PRKG1: variants seen among roughly 807,000 people sequenced by gnomAD.
PRKG1 encodes cGMP-dependent protein kinase 1.
PRKG1 carries 35 observed loss-of-function variants against 88.1 expected under a neutral mutation model. The observed-to-expected ratio is 0.40, with a 90% confidence interval of 0.30 to 0.53. PRKG1 has a LOEUF of 0.53. Ranked by LOEUF, PRKG1 falls within the 20% of genes least tolerant of loss-of-function variation. The probability of loss-of-function intolerance (pLI) is 0.59; values close to 1 mark genes in which losing one functional copy is unlikely to be tolerated. For missense variants in PRKG1, 540 were observed against 839.8 expected (o/e 0.64, Z 4.41); for synonymous variants, 303 against 292.5 (o/e 1.04, Z -0.37).
intron 5 of PRKG1, 31 bp from the exon 6 acceptor site, chr10:52,054,453 A>G (rs758099066): frequency 6.4e-7 from 1 of 1,562,984 alleles, no homozygotes; most frequent in Non-Finnish European, 8.8e-7. Flanking sequence ...CTGCTTGCTT[A>G]ATTTTTTTTC....
At chr10:52,166,787 C>CTATATATATATATATATATG (rs201538311) in intron 9 of PRKG1, among the ~76,000 whole-genome samples, 1 of 12,446 alleles carries the variant, frequency 8.0e-5, no homozygotes, top group African/African-American at 1.0e-4. Flanking sequence ...ATAAAAAAGC[C>CTATATATATATATATATATG]TATATATATA....
chr10:51,252,208 C>G (rs186750053), intron 2 of PRKG1, among the ~76,000 whole-genome samples: 2 of 151,748 alleles, frequency 1.3e-5, no homozygotes, highest in Middle Eastern at 3.4e-3. Flanking sequence ...TCTGAGTGCT[C>G]TATTGTATAG....
chr10:51,200,194 A>G (rs1301283782), intron 2 of PRKG1, among the ~76,000 whole-genome samples: 1 of 152,180 alleles, frequency 6.6e-6, no homozygotes, highest in Non-Finnish European at 1.5e-5. Context: ...GAGGTTGTAA[A>G]TTCAATAGCT....
At chr10:51,262,749 C>T (rs1428758118) in intron 2 of PRKG1, among the ~76,000 whole-genome samples, 3 of 152,082 alleles carry the variant, frequency 2.0e-5, no homozygotes, top group African/African-American at 7.2e-5. Flanking sequence ...CATGTCTTCT[C>T]ATGGCAACAG....
At chr10:51,300,274 T>C (rs887792581) in intron 2 of PRKG1, among the ~76,000 whole-genome samples, 1 of 152,182 alleles carries the variant, frequency 6.6e-6, no homozygotes. Flanking sequence ...ATGCAGCTTT[T>C]CTTCTCTTTG....
chr10:51,818,425 AT>A (rs1245406805), intron 4 of PRKG1, among the ~76,000 whole-genome samples: 4 of 152,186 alleles, frequency 2.6e-5, no homozygotes, highest in African/African-American at 9.7e-5. Flanking sequence ...ACAAAAAAAA[AT>A]CAAACATGTC....
At chr10:52,017,039 TTTG>T (rs1367980086) in intron 5 of PRKG1, among the ~76,000 whole-genome samples, 2 of 152,032 alleles carry the variant, frequency 1.3e-5, no homozygotes, top group African/African-American at 4.8e-5. Flanking sequence ...AGAAGTGTGG[TTTG>T]TCTGAGGAAC....
chr10:52,133,872 C>A lies in PRKG1; in HGVS notation c.968C>A (p.Ala323Glu). Residue 323 changes from alanine (A) to glutamate (E), a missense_variant, in exon 8 of 18, where the codon GCA (alanine) becomes GAA (glutamate). This residue lies in a region of PRKG1 where 400 missense variants were observed against 562.7 expected (regional missense o/e 0.71). Transcript: ENST00000373980. ...EDVRTANVIAAEAVTCLVIDR... is the reference protein window; with the variant it reads ...EDVRTANVIAEEAVTCLVIDR... ...GTGAGAACAGCAAACGTAATTGCTG[C>A]AGAAGCTGTAACCTGCCTTGTGATT... 1 of 1,613,158 alleles carries A rather than the reference C, an allele frequency of 6.2e-7. No individual in the cohort carries two copies. The highest frequency in any genetic ancestry group is 1.3e-5 in the African/African-American group (1 of 75,004).
intron 2 of PRKG1, among the ~76,000 whole-genome samples, chr10:51,338,533 C>A (rs542155357): frequency 6.6e-6 from 1 of 152,018 alleles, no homozygotes; most frequent in Non-Finnish European, 1.5e-5. Context: ...AGATAGATGC[C>A]CTATAAATAC....
intron 2 of PRKG1, among the ~76,000 whole-genome samples, chr10:51,445,000 G>A (rs1354380133): frequency 1.3e-5 from 2 of 151,928 alleles, no homozygotes; most frequent in East Asian, 1.9e-4. Flanking sequence ...TAAGAGGGAT[G>A]TTACAGTGCT....
chr10:51,698,667 C>G (rs1356411239), intron 3 of PRKG1: 1 of 1,614,074 alleles, frequency 6.2e-7, no homozygotes, highest in African/African-American at 1.3e-5. Context: ...ACTGGGCCAA[C>G]CCCTGGCATT....
chr10:51,811,034 A>G (rs1185164288), intron 4 of PRKG1, among the ~76,000 whole-genome samples: 2 of 152,182 alleles, frequency 1.3e-5, no homozygotes, highest in African/African-American at 4.8e-5. Flanking sequence ...TTTATAGCTG[A>G]AGCAACTAAG....
chr10:52,091,588 G>T (rs972552220), intron 7 of PRKG1, among the ~76,000 whole-genome samples: 4 of 152,182 alleles, frequency 2.6e-5, no homozygotes, highest in African/African-American at 9.7e-5. Flanking sequence ...GGAGATAAAA[G>T]TGTCCCCTTT....
chr10:51,712,307 A>G (rs184028678), intron 3 of PRKG1, among the ~76,000 whole-genome samples: 9 of 152,334 alleles, frequency 5.9e-5, no homozygotes, highest in African/African-American at 1.9e-4. Flanking sequence ...GGGGAAGATC[A>G]GAAAGTCCTT....
At position 51,949,120 on chromosome 10, in the gene PRKG1, AC is replaced by A. The variant is rs1048889833; in HGVS notation, c.762+41553del. On this transcript the variant is annotated intron_variant, in intron 5 of 17. Transcript: ENST00000373980. Reference sequence around the variant, plus strand: ...TATGGACATCTAAGACTTAAATTCCACCCTCATGAAGCCTACAATTTAATGA... The same window carrying A: ...TATGGACATCTAAGACTTAAATTCCACCTCATGAAGCCTACAATTTAATGA... Among the ~76,000 whole-genome samples, 65 of 152,156 alleles carry A rather than the reference AC, an allele frequency of 4.3e-4. 1 individual carries two copies. The highest frequency in any genetic ancestry group is 2.7e-3 in the Admixed American group (42 of 15,278).
intron 7 of PRKG1, among the ~76,000 whole-genome samples, chr10:52,105,004 T>C (rs993426398): frequency 6.6e-6 from 1 of 152,178 alleles, no homozygotes; most frequent in African/African-American, 2.4e-5. Context: ...TTAATTGTAG[T>C]TTTAAAAAAT....
chr10:51,300,704 A>G (rs1161649246), intron 2 of PRKG1, among the ~76,000 whole-genome samples: 1 of 152,224 alleles, frequency 6.6e-6, no homozygotes, highest in Non-Finnish European at 1.5e-5. Flanking sequence ...TTACAAAACA[A>G]TGTTCTTCTT....
intron 3 of PRKG1, among the ~76,000 whole-genome samples, chr10:51,674,390 A>C (rs1840659171): frequency 6.6e-6 from 1 of 152,104 alleles, no homozygotes; most frequent in South Asian, 2.1e-4. Flanking sequence ...ATGTGAGTGA[A>C]CTGGAAGTTT....
intron 1 of PRKG1, among the ~76,000 whole-genome samples, chr10:51,106,426 T>C (rs182210851): frequency 1.8e-3 from 267 of 152,288 alleles, no homozygotes; most frequent in Non-Finnish European, 2.2e-3. Flanking sequence ...GAAGAATTCT[T>C]TTTTTCGGGA....
Sources: gnomAD v4.1 joint callset for allele counts (sites outside exome capture counted in the v4.1 genomes callset) on GRCh38, gnomAD v4.1.1 for gene constraint, gnomAD v4.1.1 regional missense constraint, MANE v1.5 for transcripts, NCBI Gene and HGNC (gene_info 2026-07-23, HGNC 2026-07-21) for gene names.